The following ESR2 variants were observed in gnomAD, a reference collection of about 807,000 sequenced individuals.
The protein encoded by ESR2 is estrogen receptor 2.
In ESR2, 36 loss-of-function variants were observed where a neutral mutation model predicts 49.6. That is an observed-to-expected ratio of 0.73 (90% CI 0.56 to 0.96). The LOEUF is 0.96. Ranked by LOEUF, ESR2 falls within the 40% of genes least tolerant of loss-of-function variation. The pLI is 0.00. For synonymous variants in ESR2, 320 were observed against 266.1 expected (o/e 1.20, Z -1.97); for missense variants, 714 against 693.0 (o/e 1.03, Z -0.34).
chr14:64,263,259 T>G (rs1413465910), intron 4 of ESR2, among the ~76,000 whole-genome samples: 1 of 152,170 alleles, frequency 6.6e-6, no homozygotes, highest in East Asian at 1.9e-4. Flanking sequence ...ATTACTCTAT[T>G]GATACCAGAC....
intron 4 of ESR2, among the ~76,000 whole-genome samples, chr14:64,267,883 CAAAAAA>C (rs397691951): frequency 2.5e-5 from 2 of 79,554 alleles, no homozygotes; most frequent in South Asian, 4.6e-4. Flanking sequence ...GACTCCATCT[CAAAAAA>C]AAAAAAAAAA....
chr14:64,273,918 C>G (rs12435307), intron 3 of ESR2, among the ~76,000 whole-genome samples: 2,825 of 147,424 alleles, frequency 0.019, 75 homozygotes, highest in East Asian at 0.087. Context: ...GCCATCAGTC[C>G]TGGCTTTTCT....
downstream of ESR2, chr14:64,227,397 C>T: frequency 1.0e-6 from 1 of 981,132 alleles, no homozygotes; most frequent in Non-Finnish European, 1.5e-6. Flanking sequence ...TGGTTTTTAA[C>T]CACATAACTA....
In ESR2 at chr14:64,282,739, G is replaced by T; in HGVS notation, c.247C>A (p.Pro83Thr). ...TTSPNVLWPT[P>T]GHLSPLVVHR... ...ACCACTAAAGGAGAAAGGTGCCCAGGTGTTGGCCACAACACATTTGGGCTT... is the reference window on the plus strand; with the variant it reads ...ACCACTAAAGGAGAAAGGTGCCCAGTTGTTGGCCACAACACATTTGGGCTT... The change falls in exon 2 of 9, where the codon CCT (proline) becomes ACT (threonine). Residue 83 changes from proline to threonine, a missense_variant. Physicochemically the swap from Pro to Thr is conservative, Grantham distance 38. Coordinates refer to ENST00000341099, the MANE Select transcript of ESR2 (RefSeq NM_001437.3). The T allele has an allele frequency of 1.2e-6, 2 of 1,614,238 alleles. No homozygotes were observed. The highest frequency in any genetic ancestry group is 2.2e-5 in the South Asian group (2 of 91,090).
intron 1 of ESR2, among the ~76,000 whole-genome samples, chr14:64,314,346 A>G (rs899422368): frequency 4.6e-5 from 7 of 152,010 alleles, no homozygotes; most frequent in Non-Finnish European, 1.0e-4. Context: ...CTTGAGGGAC[A>G]CAGCTAAAGC....
intron 1 of ESR2, among the ~76,000 whole-genome samples, chr14:64,301,987 T>C (rs1014594740): frequency 2.0e-5 from 3 of 151,884 alleles, no homozygotes; most frequent in South Asian, 4.2e-4. Context: ...ACGGATTAAA[T>C]GCCTGCCTGG....
rs893089647 is a variant in ESR2 at position 64,288,256 on chromosome 14, T to C, written c.-90-5181A>G. On this transcript the variant is annotated intron_variant, in intron 1 of 8. Coordinates refer to ENST00000341099, the MANE Select transcript of ESR2 (RefSeq NM_001437.3). The stretch of plus-strand genomic sequence containing the variant: ...TGGCTTTTGAATTAAAAGAAAAAAG[T>C]AGTATTTAAAATTCCCAATTTTGAC... Among the ~76,000 whole-genome samples the C allele has an allele frequency of 2.6e-5, 4 of 151,944 alleles. No individual in the cohort carries two copies. In the South Asian group the frequency reaches 8.3e-4, roughly 32 times the overall value.
intron 1 of ESR2, among the ~76,000 whole-genome samples, chr14:64,289,734 CT>C (rs2076841554): frequency 6.6e-6 from 1 of 152,158 alleles, no homozygotes. Context: ...TCCATCACCC[CT>C]AGTCCAGATA....
chr14:64,290,387 T>C (rs968259835), intron 1 of ESR2, among the ~76,000 whole-genome samples: 1 of 150,924 alleles, frequency 6.6e-6, no homozygotes, highest in Admixed American at 6.6e-5. Flanking sequence ...TATCTTTAAA[T>C]GTATTCTTAT....
rs762432960 is a variant in ESR2 at position 64,249,695 on chromosome 14, T to C, written c.1092-16A>G. 1 of 1,601,074 alleles carries C rather than the reference T, an allele frequency of 6.2e-7. No individual in the cohort carries two copies. Among genetic ancestry groups the C allele is most frequent in the African/African-American group, 1.3e-5 (1 of 74,404 alleles). On this transcript the variant is annotated splice_polypyrimidine_tract_variant and intron_variant, in intron 6 of 8. Coordinates refer to ENST00000341099, the MANE Select transcript of ESR2 (RefSeq NM_001437.3). ...CCCCTCATCCCTACAAAAGTTCGTT[T>C]GGAAATTTAAGGAACATAGCTTCAG...
Position 64,268,849 on chromosome 14 carries a change from T to C in ESR2, c.598A>G (p.Ser200Gly). The stretch of plus-strand genomic sequence containing the variant: ...TTCCGAAGTCGGCAGGCCTGGCAGC[T>C]CTTGCGCCGGTTTTTATCGATTGTA... ...QCTIDKNRRKSCQACRLRKCY... is the reference protein window; with the variant it reads ...QCTIDKNRRKGCQACRLRKCY... Residue 200 changes from serine (S) to glycine (G), a missense_variant, in exon 4 of 9, where the codon AGC (serine) becomes GGC (glycine). Coordinates refer to ENST00000341099, the MANE Select transcript of ESR2 (RefSeq NM_001437.3). The C allele has an allele frequency of 6.2e-7, 1 of 1,614,072 alleles. No individual in the cohort carries two copies. The highest frequency in any genetic ancestry group is 8.5e-7 in the Non-Finnish European group (1 of 1,179,912).
intron 7 of ESR2, among the ~76,000 whole-genome samples, chr14:64,240,361 C>T (rs750572080): frequency 3.9e-5 from 6 of 152,216 alleles, no homozygotes; most frequent in Non-Finnish European, 8.8e-5. Flanking sequence ...TAGAGAAGTT[C>T]GCAGCCTTTT....
Position 64,278,526 on chromosome 14 carries a change from A to G in ESR2, c.535+1455T>C, listed in dbSNP as rs377262315. 1.2e-4 allele frequency among the ~76,000 whole-genome samples: 18 copies of G among 152,336 alleles called. 2 individuals carry two copies. In the East Asian group the frequency reaches 3.1e-3, roughly 26 times the overall value. ...CATTTACACACTATGAATTCTCTCA[A>G]CGTTGCTTTTCTTAACTGGCAAAGA... On this transcript the variant is annotated intron_variant, in intron 3 of 8. Transcript: ENST00000341099.
intron 8 of ESR2, chr14:64,233,982 T>C (rs1444155865): frequency 6.6e-6 from 1 of 152,276 alleles, no homozygotes. Context: ...TTGTTGACAG[T>C]ATGAGAGCAG....
intron 2 of ESR2, 28 bp from the exon 3 acceptor site, chr14:64,280,181 A>G: frequency 6.3e-7 from 1 of 1,586,148 alleles, no homozygotes; most frequent in Non-Finnish European, 8.6e-7. Context: ...TATCCATTGA[A>G]CAGAGCATAA....
chr14:64,290,578 AT>A (rs1340966274), intron 1 of ESR2, among the ~76,000 whole-genome samples: 3 of 151,722 alleles, frequency 2.0e-5, no homozygotes, highest in East Asian at 1.9e-4. Flanking sequence ...AATTTTTTGT[AT>A]TCTTAACAGA....
At chr14:64,263,419 G>T (rs145167138) in intron 4 of ESR2, among the ~76,000 whole-genome samples, 1 of 152,160 alleles carries the variant, frequency 6.6e-6, no homozygotes, top group African/African-American at 2.4e-5. Context: ...CAATTTGGGA[G>T]GCCAAGGTGG....
At chr14:64,247,854 A>G (rs1228707128) in intron 7 of ESR2, among the ~76,000 whole-genome samples, 1 of 152,216 alleles carries the variant, frequency 6.6e-6, no homozygotes, top group Admixed American at 6.5e-5. Flanking sequence ...AGGAAGAGGA[A>G]CTGGATATTT....
intron 4 of ESR2, among the ~76,000 whole-genome samples, chr14:64,266,592 TA>T (rs2076333871): frequency 1.3e-5 from 2 of 152,252 alleles, no homozygotes. Context: ...ACTTAAAACT[TA>T]AAACATTTAT....
Sources: allele counts gnomAD v4.1 joint callset (sites outside exome capture counted in the v4.1 genomes callset), GRCh38; gene constraint gnomAD v4.1.1; transcripts MANE v1.5; gene names NCBI Gene and HGNC (gene_info 2026-07-23, HGNC 2026-07-21).